ROBO1: variants seen among roughly 807,000 people sequenced by gnomAD.
ROBO1 encodes the protein roundabout guidance receptor 1.
A neutral mutation model predicts 195.9 loss-of-function variants in ROBO1; 149 were observed. The ratio of observed to expected loss-of-function variants is 0.76; its 90% confidence interval spans 0.67 to 0.87. ROBO1 has a LOEUF of 0.87. Among genes scored for constraint, ROBO1 ranks in the 40% least tolerant of loss-of-function variants. The pLI is 0.00. For missense variants in ROBO1, 1,933 were observed against 2,068.3 expected (o/e 0.93, Z 1.27); for synonymous variants, 816 against 733.2 (o/e 1.11, Z -1.82).
At chr3:78,730,702 A>C (rs79620436) in intron 5 of ROBO1, among the ~76,000 whole-genome samples, 3,603 of 152,260 alleles carry the variant, frequency 0.024, 59 homozygotes, top group Middle Eastern at 0.054. Context: ...CCTTTGTTGA[A>C]CACGAGATTA....
chr3:79,743,620 A>G (rs1038401218), intron 1 of ROBO1, among the ~76,000 whole-genome samples: 1 of 152,204 alleles, frequency 6.6e-6, no homozygotes, highest in Non-Finnish European at 1.5e-5. Flanking sequence ...TTCAATATGA[A>G]TATTTTACTC....
intron 2 of ROBO1, among the ~76,000 whole-genome samples, chr3:79,213,734 T>C (rs1358904200): frequency 6.6e-6 from 1 of 151,990 alleles, no homozygotes; most frequent in East Asian, 1.9e-4. Context: ...CACCCACTGC[T>C]TTCCTGGGGT....
chr3:78,621,873 G>A (rs1704478137), intron 26 of ROBO1, among the ~76,000 whole-genome samples: 1 of 152,074 alleles, frequency 6.6e-6, no homozygotes, highest in Admixed American at 6.5e-5. Context: ...CATTTACCAG[G>A]CAAAAGACAA....
In ROBO1 at chr3:79,588,861, T is replaced by C. The variant is rs932623354; in HGVS notation, c.88+963A>G. Among the ~76,000 whole-genome samples the C allele has an allele frequency of 1.5e-4, 23 of 151,718 alleles. No individual in the cohort carries two copies. In the Admixed American group the frequency reaches 1.5e-3, roughly 10 times the overall value. On this transcript the variant is annotated intron_variant, in intron 2 of 30. Coordinates refer to ENST00000464233, the MANE Select transcript of ROBO1 (RefSeq NM_002941.4). ...GATATATAAATCATTTGTTTTTGTT[T>C]ACAACTCCCTTATCTTCTAGGTCAA...
intron 2 of ROBO1, among the ~76,000 whole-genome samples, chr3:79,353,472 G>A (rs1380297647): frequency 1.3e-5 from 2 of 151,332 alleles, no homozygotes; most frequent in East Asian, 3.9e-4. Context: ...TTCCAAGTAG[G>A]GAAACAAAAC....
intron 1 of ROBO1, among the ~76,000 whole-genome samples, chr3:79,698,396 TATATC>T (rs1947509293): frequency 6.6e-6 from 1 of 151,488 alleles, no homozygotes; most frequent in Non-Finnish European, 1.5e-5. Context: ...GTAAGATAGA[TATATC>T]AGTAAGGTAA....
At chr3:79,459,753 A>C (rs906550375) in intron 2 of ROBO1, among the ~76,000 whole-genome samples, 6 of 152,114 alleles carry the variant, frequency 3.9e-5, no homozygotes, top group Non-Finnish European at 5.9e-5. Flanking sequence ...TTGTTACATT[A>C]ATTCACTATT....
rs542808735 is a variant in ROBO1 at position 78,915,745 on chromosome 3, A to G, written c.499+22856T>C. ...GGCTGGACTGCAGTGGGATGATCAC[A>G]GCTCCCTGCAGCTTAAATCTTCCCA... On this transcript the variant is annotated intron_variant, in intron 4 of 30. Transcript: ENST00000464233. Among the ~76,000 whole-genome samples, 41 of 152,066 alleles carry G rather than the reference A, an allele frequency of 2.7e-4. No individual in the cohort carries two copies. The South Asian group carries it at 4.1e-3, about 15-fold the overall frequency.
rs150885685 is a variant in ROBO1 at position 78,937,547 on chromosome 3, G to T, written c.499+1054C>A. Among the ~76,000 whole-genome samples the T allele has an allele frequency of 4.1e-3, 624 of 151,842 alleles. 3 individuals are homozygous for T. The highest frequency in any genetic ancestry group is 0.014 in the African/African-American group (578 of 41,428). ...TATATACAGCAGGATCCTTTCAAGGGGATGAATCATTTTGGCTACTCCTTG... is the reference window on the plus strand; with the variant it reads ...TATATACAGCAGGATCCTTTCAAGGTGATGAATCATTTTGGCTACTCCTTG... On this transcript the variant is annotated intron_variant, in intron 4 of 30. Transcript: ENST00000464233.
intron 2 of ROBO1, among the ~76,000 whole-genome samples, chr3:79,233,646 A>G (rs2082356568): frequency 6.6e-6 from 1 of 152,062 alleles, no homozygotes; most frequent in African/African-American, 2.4e-5. Context: ...TGAATCAAGC[A>G]AGGCAACGGG....
chr3:78,842,439 A>G (rs374564528), intron 4 of ROBO1, among the ~76,000 whole-genome samples: 55 of 698 alleles, frequency 0.079, 19 homozygotes, highest in Non-Finnish European at 0.11. Flanking sequence ...ATTTTTATAT[A>G]TATGAGCCAT....
At chr3:78,811,191 T>C (rs1469422335) in intron 4 of ROBO1, among the ~76,000 whole-genome samples, 2 of 152,228 alleles carry the variant, frequency 1.3e-5, no homozygotes, top group Non-Finnish European at 2.9e-5. Context: ...TATTACCCTG[T>C]GAGTCTGCTG....
Position 79,141,905 on chromosome 3 carries a change from T to C in ROBO1, c.89-16366A>G, listed in dbSNP as rs527372117. ...ATAATTATACATACCACATATAACATGTTTTTATTTTTGTTTTCCTGCGTA... is the reference window on the plus strand; with the variant it reads ...ATAATTATACATACCACATATAACACGTTTTTATTTTTGTTTTCCTGCGTA... On this transcript the variant is annotated intron_variant, in intron 2 of 30. Transcript: ENST00000464233. Among the ~76,000 whole-genome samples, 85 of 152,258 alleles carry C rather than the reference T, an allele frequency of 5.6e-4. 1 individual carries two copies. In the South Asian group the frequency reaches 0.01, roughly 18 times the overall value.
At chr3:79,358,136 T>C (rs910470082) in intron 2 of ROBO1, among the ~76,000 whole-genome samples, 6 of 152,130 alleles carry the variant, frequency 3.9e-5, no homozygotes, top group African/African-American at 1.2e-4. Flanking sequence ...TAAGCTATTC[T>C]CTTTGCCTCA....
At chr3:79,715,065 A>T (rs1281708168) in intron 1 of ROBO1, among the ~76,000 whole-genome samples, 1 of 152,100 alleles carries the variant, frequency 6.6e-6, no homozygotes, top group Non-Finnish European at 1.5e-5. Context: ...TCATGATACA[A>T]TATTAGCAGA....
At chr3:78,652,488 C>T (rs569924217) in intron 18 of ROBO1, among the ~76,000 whole-genome samples, 56 of 152,132 alleles carry the variant, frequency 3.7e-4, no homozygotes, top group Non-Finnish European at 6.2e-4. Flanking sequence ...TACCCCGACA[C>T]TAACATTATA....
chr3:79,607,781 C>T (rs1165085621), intron 1 of ROBO1, among the ~76,000 whole-genome samples: 2 of 151,958 alleles, frequency 1.3e-5, no homozygotes, highest in Non-Finnish European at 2.9e-5. Context: ...TTCTTCCTCT[C>T]TCATGCTGTC....
chr3:79,546,747 G>A (rs974014891), intron 2 of ROBO1, among the ~76,000 whole-genome samples: 1 of 152,144 alleles, frequency 6.6e-6, no homozygotes, highest in Non-Finnish European at 1.5e-5. Context: ...TTGCAAACAG[G>A]TTATGTTTGG....
At chr3:79,089,362 G>A (rs1199926413) in intron 3 of ROBO1, among the ~76,000 whole-genome samples, 1 of 152,016 alleles carries the variant, frequency 6.6e-6, no homozygotes, top group Non-Finnish European at 1.5e-5. Context: ...CCAGGTCAAT[G>A]ACTAAAAATA....
Sources: allele counts gnomAD v4.1 joint callset (sites outside exome capture counted in the v4.1 genomes callset), GRCh38; gene constraint gnomAD v4.1.1; transcripts MANE v1.5; gene names NCBI Gene and HGNC (gene_info 2026-07-23, HGNC 2026-07-21).